Variants in UQCC1 observed in about 807,000 individuals in gnomAD.
UQCC1 encodes ubiquinol-cytochrome c reductase complex assembly factor 1.
UQCC1 carries 38 observed loss-of-function variants against 48.0 expected under a neutral mutation model. That is an observed-to-expected ratio of 0.79 (90% confidence interval 0.61 to 1.04). The LOEUF is 1.04. Ranked by LOEUF, UQCC1 falls within the 50% of genes least tolerant of loss-of-function variation. The pLI is 0.00. For synonymous variants in UQCC1, 111 were observed against 129.2 expected (o/e 0.86, Z 0.95); for missense variants, 368 against 381.8 (o/e 0.96, Z 0.30).
At chr20:35,395,598 A>G (rs968032156) in intron 1 of UQCC1, among the ~76,000 whole-genome samples, 1 of 152,086 alleles carries the variant, frequency 6.6e-6, no homozygotes, top group Non-Finnish European at 1.5e-5. Context: ...GACCAAATAT[A>G]TATTTCTTCT....
intron 1 of UQCC1, among the ~76,000 whole-genome samples, chr20:35,403,030 G>C (rs970033543): frequency 1.3e-5 from 2 of 150,760 alleles, no homozygotes; most frequent in East Asian, 1.9e-4. Flanking sequence ...TCGCGCCATT[G>C]CACTCCAGCC....
In UQCC1 at chr20:35,390,970, C is replaced by T. The variant is rs554909999; in HGVS notation, c.129+3122G>A. Among the ~76,000 whole-genome samples the T allele has an allele frequency of 5.3e-5, 8 of 152,094 alleles. No individual in the cohort carries two copies. The East Asian group carries it at 7.8e-4, about 15-fold the overall frequency. On this transcript the variant is annotated intron_variant, in intron 2 of 9. Coordinates refer to ENST00000374385, the MANE Select transcript of UQCC1 (RefSeq NM_018244.5). ...CAGCACTTTGAGAGGTCGAGGTGGG[C>T]GGATCACCTCGGATCAGGAGTTCAA...
intron 6 of UQCC1, among the ~76,000 whole-genome samples, chr20:35,357,150 C>T (rs1354925824): frequency 1.3e-5 from 2 of 151,670 alleles, no homozygotes; most frequent in East Asian, 3.9e-4. Flanking sequence ...TTTGAGAGGT[C>T]GAGGCAGGCA....
intron 1 of UQCC1, among the ~76,000 whole-genome samples, chr20:35,401,367 A>C (rs1336349096): frequency 2.0e-5 from 3 of 152,170 alleles, no homozygotes; most frequent in African/African-American, 7.2e-5. Context: ...TAAAGATGGG[A>C]TTCACCAACA....
intron 6 of UQCC1, among the ~76,000 whole-genome samples, 199 bp from the exon 7 acceptor site, chr20:35,347,471 A>C (rs892551995): frequency 6.6e-6 from 1 of 152,116 alleles, no homozygotes; most frequent in African/African-American, 2.4e-5. Flanking sequence ...GTACTGCCTG[A>C]TAAATTTTTA....
intron 3 of UQCC1, among the ~76,000 whole-genome samples, chr20:35,382,326 G>A (rs1053672442): frequency 1.3e-5 from 2 of 151,464 alleles, no homozygotes; most frequent in Non-Finnish European, 2.9e-5. Context: ...TCTCTGGAGA[G>A]GGGGGGTCCA....
intron 8 of UQCC1, among the ~76,000 whole-genome samples, chr20:35,314,118 C>T (rs1173692741): frequency 2.6e-5 from 4 of 151,968 alleles, no homozygotes; most frequent in Non-Finnish European, 4.4e-5. Flanking sequence ...GCACCCACCA[C>T]CATACCCGGC....
intron 1 of UQCC1, among the ~76,000 whole-genome samples, chr20:35,408,241 C>T (rs753261759): frequency 1.3e-5 from 2 of 152,086 alleles, no homozygotes; most frequent in Non-Finnish European, 2.9e-5. Context: ...CCAGCCTGGG[C>T]AACATAGCAA....
At chr20:35,411,648 G>A (rs150508808) in intron 1 of UQCC1, among the ~76,000 whole-genome samples, 1 of 152,220 alleles carries the variant, frequency 6.6e-6, no homozygotes, top group Admixed American at 6.5e-5. Context: ...TGTCCTACAT[G>A]CTCCTCTCCC....
chr20:35,385,690 A>T (rs1354431322), intron 2 of UQCC1, among the ~76,000 whole-genome samples: 1 of 152,088 alleles, frequency 6.6e-6, no homozygotes, highest in Non-Finnish European at 1.5e-5. Flanking sequence ...TTGTAGAGAC[A>T]GTGTCTCCAT....
chr20:35,351,967 AC>A (rs1475412792), intron 6 of UQCC1, among the ~76,000 whole-genome samples: 1 of 152,220 alleles, frequency 6.6e-6, no homozygotes, highest in Non-Finnish European at 1.5e-5. Flanking sequence ...TAAAACTAGA[AC>A]CCAGCTTTTA....
At chr20:35,357,195 GACA>G (rs980035659) in intron 6 of UQCC1, among the ~76,000 whole-genome samples, 30 of 151,050 alleles carry the variant, frequency 2.0e-4, no homozygotes, top group Non-Finnish European at 3.4e-4. Context: ...GACCAGCCTG[GACA>G]ACATGACGAA....
chr20:35,363,853 C>T (rs1008698242), intron 6 of UQCC1, among the ~76,000 whole-genome samples: 8 of 152,116 alleles, frequency 5.3e-5, no homozygotes, highest in African/African-American at 1.9e-4. Context: ...GGCTATCCTT[C>T]GGTTACCCTC....
At chr20:35,364,795 T>C (rs1485912052) in intron 6 of UQCC1, among the ~76,000 whole-genome samples, 1 of 152,236 alleles carries the variant, frequency 6.6e-6, no homozygotes, top group Non-Finnish European at 1.5e-5. Context: ...AGTCAGGTAT[T>C]GACCTTGGGA....
intron 6 of UQCC1, among the ~76,000 whole-genome samples, chr20:35,361,852 A>G (rs1388144262): frequency 6.6e-6 from 1 of 152,234 alleles, no homozygotes; most frequent in Non-Finnish European, 1.5e-5. Flanking sequence ...TAGTAATTGT[A>G]TTTATGAAAT....
At chr20:35,382,612 C>A (rs11907688) in intron 3 of UQCC1, among the ~76,000 whole-genome samples, 1,876 of 148,730 alleles carry the variant, frequency 0.013, 40 homozygotes, top group African/African-American at 0.044. Flanking sequence ...TCCCGGGTTC[C>A]CGCCATTCTC....
intron 1 of UQCC1, among the ~76,000 whole-genome samples, chr20:35,405,454 A>C (rs2062237326): frequency 6.6e-6 from 1 of 152,258 alleles, no homozygotes; most frequent in South Asian, 2.1e-4. Context: ...ATGCAAAGAA[A>C]CAATAAAGTA....
intron 9 of UQCC1, among the ~76,000 whole-genome samples, chr20:35,304,351 AC>A (rs2060905393): frequency 6.6e-6 from 1 of 151,152 alleles, no homozygotes; most frequent in South Asian, 2.1e-4. Context: ...ACAGACACAC[AC>A]CTCCCAAGGA....
At chr20:35,396,670 A>G (rs2062083436) in intron 1 of UQCC1, among the ~76,000 whole-genome samples, 1 of 152,156 alleles carries the variant, frequency 6.6e-6, no homozygotes, top group Non-Finnish European at 1.5e-5. Flanking sequence ...TAAAACTGAG[A>G]TTCACGTTTT....
Sources: gnomAD v4.1 joint callset for allele counts (sites outside exome capture counted in the v4.1 genomes callset) on GRCh38, gnomAD v4.1.1 for gene constraint, MANE v1.5 for transcripts, NCBI Gene and HGNC (gene_info 2026-07-23, HGNC 2026-07-21) for gene names.